The following NELL2 variants were observed in gnomAD, a reference collection of about 807,000 sequenced individuals.
NELL2 encodes the protein neural EGFL like 2.
A neutral mutation model predicts 109.6 loss-of-function variants in NELL2; 41 were observed. The observed-to-expected ratio is 0.37, with a 90% CI of 0.29 to 0.49. NELL2 has a LOEUF of 0.49. Among genes scored for constraint, NELL2 ranks in the 20% least tolerant of loss-of-function variants. The pLI is 0.98. For synonymous variants in NELL2, 355 were observed against 344.7 expected (o/e 1.03, Z -0.33); for missense variants, 900 against 1,008.3 (o/e 0.89, Z 1.45).
chr12:44,714,878 A>G (rs1592385195), intron 9 of NELL2, 137 bp from the exon 10 acceptor site: 2 of 456,374 alleles, frequency 4.4e-6, no homozygotes, highest in South Asian at 1.2e-4. Context: ...CCTCAATTCA[A>G]TCTACTGCAA....
intron 9 of NELL2, among the ~76,000 whole-genome samples, chr12:44,755,332 C>G (rs10785520): frequency 0.71 from 107,261 of 151,562 alleles, 38,127 homozygotes; most frequent in Non-Finnish European, 0.74. Flanking sequence ...TCTGCTCTTT[C>G]AGGTTCCCGT....
chr12:44,517,616 G>C (rs931689105), intron 19 of NELL2, among the ~76,000 whole-genome samples: 2 of 151,978 alleles, frequency 1.3e-5, no homozygotes, highest in Admixed American at 6.5e-5. Flanking sequence ...GCCACATGTG[G>C]CTATTGTGCA....
At chr12:44,542,006 A>T (rs1280963948) in intron 15 of NELL2, among the ~76,000 whole-genome samples, 1 of 152,240 alleles carries the variant, frequency 6.6e-6, no homozygotes, top group Non-Finnish European at 1.5e-5. Context: ...AAATAAATGA[A>T]ACAAAGACCT....
At chr12:44,615,301 CTT>C (rs911857016) in intron 13 of NELL2, among the ~76,000 whole-genome samples, 2 of 151,912 alleles carry the variant, frequency 1.3e-5, no homozygotes, top group Admixed American at 6.6e-5. Context: ...TACTTTGTCT[CTT>C]TTGTTTTTGG....
chr12:44,592,598 A>G, intron 15 of NELL2, among the ~76,000 whole-genome samples: 1 of 152,182 alleles, frequency 6.6e-6, no homozygotes, highest in Non-Finnish European at 1.5e-5. Flanking sequence ...GTCCAGGGAA[A>G]ATGGAGGGCT....
intron 13 of NELL2, among the ~76,000 whole-genome samples, chr12:44,652,947 C>A (rs930566751): frequency 1.8e-4 from 28 of 152,172 alleles, no homozygotes; most frequent in African/African-American, 6.8e-4. Flanking sequence ...CTTCCATAGT[C>A]ACATTTCCCT....
chr12:44,538,398 TTC>T (rs1394661989), intron 15 of NELL2, among the ~76,000 whole-genome samples: 7 of 152,080 alleles, frequency 4.6e-5, no homozygotes, highest in Non-Finnish European at 8.8e-5. Context: ...TATGTGCACA[TTC>T]CATGCCCATC....
intron 3 of NELL2, among the ~76,000 whole-genome samples, chr12:44,791,119 A>ATGTG (rs1555217772): frequency 1.0e-4 from 1 of 9,592 alleles, no homozygotes; most frequent in African/African-American, 3.8e-4. Flanking sequence ...GTATATATAT[A>ATGTG]TGTATATATA....
intron 13 of NELL2, among the ~76,000 whole-genome samples, chr12:44,639,151 A>C (rs1043698770): frequency 6.6e-6 from 1 of 152,138 alleles, no homozygotes; most frequent in Non-Finnish European, 1.5e-5. Flanking sequence ...TAGCCTATTG[A>C]GCGGCACAGG....
At chr12:44,619,985 T>G (rs1244773552) in intron 13 of NELL2, among the ~76,000 whole-genome samples, 1 of 152,130 alleles carries the variant, frequency 6.6e-6, no homozygotes, top group African/African-American at 2.4e-5. Context: ...GAATCAATAT[T>G]TGAGCCAAGA....
chr12:44,919,001 C>T (rs1261142603), upstream of NELL2, among the ~76,000 whole-genome samples: 1 of 152,174 alleles, frequency 6.6e-6, no homozygotes, highest in Non-Finnish European at 1.5e-5. Flanking sequence ...AGAATGAAAA[C>T]ATAAAAGAGC....
chr12:44,593,162 G>A (rs770691168), intron 15 of NELL2, among the ~76,000 whole-genome samples: 4 of 152,176 alleles, frequency 2.6e-5, no homozygotes, highest in Non-Finnish European at 5.9e-5. Context: ...ATACAATATA[G>A]CCCCTTGGGA....
At chr12:44,611,736 A>T (rs1323046792) in intron 13 of NELL2, among the ~76,000 whole-genome samples, 1 of 152,036 alleles carries the variant, frequency 6.6e-6, no homozygotes, top group African/African-American at 2.4e-5. Context: ...GGTGGCTCAG[A>T]GTGTTTAAGT....
intron 9 of NELL2, among the ~76,000 whole-genome samples, chr12:44,743,319 A>G (rs1327098925): frequency 6.6e-6 from 1 of 152,228 alleles, no homozygotes; most frequent in Non-Finnish European, 1.5e-5. Context: ...CATGGAAAGG[A>G]ACAACCGGTA....
rs942120613 is a variant in NELL2, at chr12:44,633,321, A to C, written c.1445-22351T>G. ...CAAATAAGTGGTAAAGAAGTGCTAG[A>C]GAAGCACAGCGTATCAAACCATGCT... is the stretch of plus-strand genomic sequence containing the variant. On this transcript the variant is annotated intron_variant, in intron 13 of 19. Transcript: ENST00000429094. Among the ~76,000 whole-genome samples, 3 of 152,242 alleles carry C rather than the reference A, an allele frequency of 2.0e-5. No individual in the cohort carries two copies. The East Asian group carries it at 5.8e-4, about 29-fold the overall frequency.
At chr12:44,690,961 C>T (rs1408862183) in intron 12 of NELL2, among the ~76,000 whole-genome samples, 1 of 152,066 alleles carries the variant, frequency 6.6e-6, no homozygotes. Flanking sequence ...TATTTCTTCC[C>T]TATATAGCAT....
chr12:44,810,510 G>T (rs1592579246), intron 3 of NELL2, among the ~76,000 whole-genome samples: 1 of 151,978 alleles, frequency 6.6e-6, no homozygotes, highest in African/African-American at 2.4e-5. Flanking sequence ...TATTTAAAAA[G>T]TATGCAAAAA....
chr12:44,674,462 TG>T (rs1948242592), intron 12 of NELL2, among the ~76,000 whole-genome samples: 1 of 152,140 alleles, frequency 6.6e-6, no homozygotes, highest in Admixed American at 6.6e-5. Context: ...TCACTTATAA[TG>T]TAAGACCTCA....
intron 6 of NELL2, 26 bp downstream of exon 6, chr12:44,777,216 C>T: frequency 5.6e-6 from 9 of 1,610,366 alleles, no homozygotes; most frequent in Non-Finnish European, 6.8e-6. Flanking sequence ...ATGGGGACTC[C>T]ACAGTGCAAG....
Sources: allele counts gnomAD v4.1 joint callset (sites outside exome capture counted in the v4.1 genomes callset), GRCh38; gene constraint gnomAD v4.1.1; transcripts MANE v1.5; gene names NCBI Gene and HGNC (gene_info 2026-07-23, HGNC 2026-07-21).